FHIT: variants seen among roughly 807,000 people sequenced by gnomAD.
FHIT encodes the protein fragile histidine triad diadenosine triphosphatase.
A neutral mutation model predicts 17.9 loss-of-function variants in FHIT; 19 were observed. The observed-to-expected ratio is 1.06, with a 90% confidence interval of 0.74 to 1.56. FHIT has a LOEUF of 1.56. Among genes scored for constraint, FHIT ranks in the 40% most tolerant of loss-of-function variants. The pLI, the probability that FHIT is intolerant of heterozygous loss-of-function variation, is 0.00. For missense variants in FHIT, 248 were observed against 189.2 expected (o/e 1.31, Z -1.82); for synonymous variants, 81 against 69.7 (o/e 1.16, Z -0.81).
At chr3:60,532,452 A>C (rs2035820924) in intron 5 of FHIT, among the ~76,000 whole-genome samples, 1 of 152,250 alleles carries the variant, frequency 6.6e-6, no homozygotes, top group Non-Finnish European at 1.5e-5. Context: ...ATAATGGTTC[A>C]AATTTATTTA....
intron 2 of FHIT, among the ~76,000 whole-genome samples, chr3:61,126,071 G>A (rs1031155251): frequency 6.6e-6 from 1 of 152,192 alleles, no homozygotes; most frequent in Middle Eastern, 3.4e-3. Context: ...TGGGACCTCT[G>A]TGGTCCAAAG....
intron 3 of FHIT, among the ~76,000 whole-genome samples, chr3:60,971,522 C>T (rs201994228): frequency 0.03 from 4,450 of 148,094 alleles, 139 homozygotes; most frequent in Admixed American, 0.077. Flanking sequence ...CTCCCTCAAT[C>T]TTTTTTTTTT....
At chr3:61,202,779 CTG>C (rs1224290175) in intron 1 of FHIT, among the ~76,000 whole-genome samples, 8 of 152,184 alleles carry the variant, frequency 5.3e-5, no homozygotes, top group Admixed American at 1.3e-4. Flanking sequence ...AGTGCGGACA[CTG>C]TGTCTCACGC....
At chr3:60,901,723 T>C (rs966966121) in intron 3 of FHIT, among the ~76,000 whole-genome samples, 3 of 151,236 alleles carry the variant, frequency 2.0e-5, no homozygotes, top group Non-Finnish European at 4.4e-5. Flanking sequence ...AGCTAGGTAC[T>C]TTTTTTTTCT....
intron 8 of FHIT, among the ~76,000 whole-genome samples, chr3:59,862,816 G>A (rs542801581): frequency 5.5e-4 from 84 of 152,282 alleles, no homozygotes; most frequent in African/African-American, 1.5e-3. Flanking sequence ...CTATAGATAC[G>A]TTTCCCAGTT....
intron 5 of FHIT, among the ~76,000 whole-genome samples, chr3:60,327,916 G>C (rs1366654969): frequency 6.6e-6 from 1 of 152,180 alleles, no homozygotes; most frequent in Non-Finnish European, 1.5e-5. Flanking sequence ...TCAGACAAGA[G>C]CAAGAGCAGG....
intron 4 of FHIT, among the ~76,000 whole-genome samples, chr3:60,565,495 G>A (rs1015139627): frequency 6.6e-6 from 1 of 152,138 alleles, no homozygotes. Flanking sequence ...TCTAATAGAT[G>A]CCTGTTATTC....
chr3:60,376,212 C>T (rs2107085958), intron 5 of FHIT, among the ~76,000 whole-genome samples: 1 of 152,250 alleles, frequency 6.6e-6, no homozygotes, highest in African/African-American at 2.4e-5. Flanking sequence ...CCCACAAAAG[C>T]CCATGCTTGA....
rs1012880674 is a variant in FHIT at position 59,887,969 on chromosome 3, G to T, written c.348+34377C>A. Among the ~76,000 whole-genome samples, 6 of 152,332 alleles carry T rather than the reference G, an allele frequency of 3.9e-5. No individual in the cohort carries two copies. In the South Asian group the frequency reaches 1.0e-3, roughly 26 times the overall value. ...GCAGGGGCCAAAGTTTAGCCTGAAG[G>T]AGAGATACCTTCATCAATAAAATCT... On this transcript the variant is annotated intron_variant, in intron 8 of 9. Transcript: ENST00000492590.
At chr3:60,937,849 AC>A in intron 3 of FHIT, among the ~76,000 whole-genome samples, 1 of 152,208 alleles carries the variant, frequency 6.6e-6, no homozygotes, top group Non-Finnish European at 1.5e-5. Flanking sequence ...GGGGTGAGCC[AC>A]CACGCCCGGC....
At chr3:60,119,942 G>C (rs1052084161) in intron 5 of FHIT, among the ~76,000 whole-genome samples, 4 of 152,132 alleles carry the variant, frequency 2.6e-5, no homozygotes, top group Non-Finnish European at 5.9e-5. Context: ...TTAGGGTCCT[G>C]TGAAATCTGT....
At chr3:60,303,776 T>C (rs138748314) in intron 5 of FHIT, among the ~76,000 whole-genome samples, 1 of 152,268 alleles carries the variant, frequency 6.6e-6, no homozygotes, top group East Asian at 1.9e-4. Flanking sequence ...ATACTCCCAG[T>C]TGGTTAAGCC....
intron 4 of FHIT, among the ~76,000 whole-genome samples, chr3:60,728,637 A>G (rs1488990274): frequency 6.6e-6 from 1 of 151,906 alleles, no homozygotes; most frequent in Non-Finnish European, 1.5e-5. Flanking sequence ...TCTGGGGCAT[A>G]TTAGATACTT....
intron 5 of FHIT, among the ~76,000 whole-genome samples, chr3:60,424,674 A>G (rs1486488400): frequency 8.5e-5 from 13 of 152,170 alleles, no homozygotes; most frequent in Admixed American, 8.5e-4. Flanking sequence ...TGTTGATCAA[A>G]TGTAGCTGAA....
chr3:61,218,718 A>G (rs1265854413), intron 1 of FHIT, among the ~76,000 whole-genome samples: 2 of 152,174 alleles, frequency 1.3e-5, no homozygotes, highest in Non-Finnish European at 1.5e-5. Flanking sequence ...CCTCACCGTA[A>G]TCATATAGTG....
chr3:60,700,287 T>G (rs1178449608), intron 4 of FHIT, among the ~76,000 whole-genome samples: 1 of 152,190 alleles, frequency 6.6e-6, no homozygotes, highest in Non-Finnish European at 1.5e-5. Context: ...TCTACATCTT[T>G]TTCTAGTTTC....
At chr3:60,658,909 C>T (rs1022144974) in intron 4 of FHIT, among the ~76,000 whole-genome samples, 1 of 151,258 alleles carries the variant, frequency 6.6e-6, no homozygotes, top group Non-Finnish European at 1.5e-5. Context: ...ACCTGTAGAA[C>T]TCATTTTAGC....
At chr3:60,318,590 C>T (rs1270502569) in intron 5 of FHIT, among the ~76,000 whole-genome samples, 3 of 152,140 alleles carry the variant, frequency 2.0e-5, no homozygotes, top group Non-Finnish European at 4.4e-5. Context: ...GGGTCAAGAC[C>T]ACAATGACTG....
rs915194891 is a variant in FHIT at position 60,271,295 on chromosome 3, C to A, written c.104-257143G>T. On this transcript the variant is annotated intron_variant, in intron 5 of 9. Coordinates refer to ENST00000492590, the MANE Select transcript of FHIT (RefSeq NM_002012.4). ...GCTCACATCTACACTCCCAGCTACTCAGGAGGCTGAGGCAGGTGAATCGCT... is the reference window on the plus strand; with the variant it reads ...GCTCACATCTACACTCCCAGCTACTAAGGAGGCTGAGGCAGGTGAATCGCT... Among the ~76,000 whole-genome samples, 3 of 152,188 alleles carry A rather than the reference C, an allele frequency of 2.0e-5. No homozygotes were observed. In the East Asian group the frequency reaches 5.8e-4, roughly 29 times the overall value.
Sources: gnomAD v4.1 joint callset for allele counts (sites outside exome capture counted in the v4.1 genomes callset) on GRCh38, gnomAD v4.1.1 for gene constraint, MANE v1.5 for transcripts, NCBI Gene and HGNC (gene_info 2026-07-23, HGNC 2026-07-21) for gene names.